The following FZD6 variants were observed in gnomAD, a reference collection of about 807,000 sequenced individuals.
The protein encoded by FZD6 is frizzled-6.
Under a neutral mutation model 61.4 loss-of-function variants are expected in FZD6, and 49 were observed. The observed-to-expected ratio is 0.80, with a 90% CI of 0.63 to 1.01. FZD6 has a LOEUF of 1.01. FZD6 is among the 50% of genes least tolerant of loss of function. The pLI is 0.00. For missense variants in FZD6, 724 were observed against 848.2 expected, an observed-to-expected ratio of 0.85 and a Z score of 1.82; for synonymous variants, 265 against 292.2, an observed-to-expected ratio of 0.91 and a Z score of 0.95.
At chr8:103,324,427 A>G in intron 3 of FZD6, 54 bp from the exon 4 acceptor site, 2 of 965,336 alleles carry the variant, frequency 2.1e-6, no homozygotes, top group East Asian at 2.6e-5. Context: ...TGCTTAATAT[A>G]TTGAATCAAT....
chr8:103,306,610 C>A (rs1431148415), intron 2 of FZD6, among the ~76,000 whole-genome samples: 3 of 144,740 alleles, frequency 2.1e-5, no homozygotes, highest in Non-Finnish European at 4.5e-5. Context: ...TCACGCCATT[C>A]TCCTGCCTCA....
At chr8:103,321,920 A>G (rs903194124) in intron 3 of FZD6, among the ~76,000 whole-genome samples, 24 of 151,928 alleles carry the variant, frequency 1.6e-4, no homozygotes, top group African/African-American at 5.1e-4. Flanking sequence ...TTTCTGTTAT[A>G]CTTCTTTCCT....
At position 103,320,843 on chromosome 8, in the gene FZD6, G is replaced by A. The variant is rs530275198; in HGVS notation, c.374+2057G>A. Among the ~76,000 whole-genome samples the A allele has an allele frequency of 1.7e-4, 26 of 152,254 alleles. No individual in the cohort carries two copies. The East Asian group carries it at 3.9e-3, about 23-fold the overall frequency. The stretch of plus-strand genomic sequence containing the variant: ...TATTCTTGGTCAAGTCACCAAGGAT[G>A]ATGACAGCAAAAGGAAAGGAGACAA... On this transcript the variant is annotated intron_variant, in intron 3 of 6. Transcript: ENST00000358755.
intron 6 of FZD6, among the ~76,000 whole-genome samples, 154 bp downstream of exon 6, chr8:103,330,219 T>TTAG: frequency 6.6e-6 from 1 of 152,358 alleles, no homozygotes; most frequent in Non-Finnish European, 1.5e-5. Context: ...AATATGCTAT[T>TTAG]TAGTAGTTTA....
chr8:103,328,377 C>G lies in FZD6; in HGVS notation c.1502C>G (p.Thr501Arg). ...TGGGTTGGAAGCAAAAAGACATGCA[C>G]AGAATGGGCTGGGTTTTTTAAACGA... Reference protein sequence around the residue: ...VFWVGSKKTCTEWAGFFKRNR... With the variant: ...VFWVGSKKTCREWAGFFKRNR... The change falls in exon 5 of 7, where the codon ACA becomes AGA. Residue 501 changes from threonine to arginine, a missense_variant. Thr to Arg is a moderately conservative substitution (Grantham distance 71). Coordinates refer to ENST00000358755, the MANE Select transcript of FZD6 (RefSeq NM_003506.4). 1 of 1,612,586 alleles carries G rather than the reference C, an allele frequency of 6.2e-7. No individual in the cohort carries two copies.
At chr8:103,312,017 TGAA>T (rs1814509487) in intron 2 of FZD6, among the ~76,000 whole-genome samples, 1 of 152,306 alleles carries the variant, frequency 6.6e-6, no homozygotes, top group East Asian at 1.9e-4. Flanking sequence ...TTATTTCCAG[TGAA>T]GGATTATAGA....
Position 103,331,420 on chromosome 8 carries a change from A to G in FZD6, c.2032A>G (p.Ser678Gly). The G allele has an allele frequency of 6.2e-7, 1 of 1,610,646 alleles. No homozygotes were observed. The highest frequency in any genetic ancestry group is 2.2e-5 in the East Asian group (1 of 44,862). ...GCAGGTCCCCAGTTCTTCAGAACCA[A>G]GCAGCCTCAAAGGTTCCACATCTCT... The part of the protein sequence containing the change: ...NLQVPSSSEP[S>G]SLKGSTSLLV... Residue 678 changes from serine to glycine, a missense_variant, in exon 7 of 7, where the codon AGC becomes GGC. Coordinates refer to ENST00000358755, the MANE Select transcript of FZD6 (RefSeq NM_003506.4).
At chr8:103,301,149 T>C (rs1056197158) in intron 2 of FZD6, among the ~76,000 whole-genome samples, 3 of 152,190 alleles carry the variant, frequency 2.0e-5, no homozygotes, top group Non-Finnish European at 2.9e-5. Context: ...TTAAAATTGA[T>C]TAGATTTGAT....
At position 103,310,215 on chromosome 8, in the gene FZD6, A is replaced by G. The variant is rs185833751; in HGVS notation, c.178-8375A>G. On this transcript the variant is annotated intron_variant, in intron 2 of 6. Coordinates refer to ENST00000358755, the MANE Select transcript of FZD6 (RefSeq NM_003506.4). Reference sequence around the variant, plus strand: ...TATAATTTAGCCACCTGCAGATCAAACTGTGCTTGGTTTTCAACTCCTTGA... The same window carrying G: ...TATAATTTAGCCACCTGCAGATCAAGCTGTGCTTGGTTTTCAACTCCTTGA... 3.3e-5 allele frequency among the ~76,000 whole-genome samples: 5 copies of G among 152,252 alleles called. No homozygotes were observed. In the East Asian group the frequency reaches 9.7e-4, roughly 29 times the overall value.
At chr8:103,331,307 A>ATG (rs779475614) in intron 6 of FZD6, 34 bp from the exon 7 acceptor site, 2 of 1,467,092 alleles carry the variant, frequency 1.4e-6, no homozygotes, top group African/African-American at 1.4e-5. Context: ...GTGTTTGTGG[A>ATG]TGTGTGTGTG....
At chr8:103,329,013 T>TTTTTTATATATATATATATATATA (rs143400765) in intron 5 of FZD6, among the ~76,000 whole-genome samples, 17 of 115,178 alleles carry the variant, frequency 1.5e-4, no homozygotes, top group Admixed American at 1.0e-3. Context: ...CATTTTAGTT[T>TTTTTTATATATATATATATATATA]TATATATATA....
At chr8:103,330,926 C>T (rs576922417) in intron 6 of FZD6, among the ~76,000 whole-genome samples, 2 of 152,190 alleles carry the variant, frequency 1.3e-5, no homozygotes, top group African/African-American at 4.8e-5. Flanking sequence ...GCCTGTAATC[C>T]CAGCACTTTG....
intron 1 of FZD6, among the ~76,000 whole-genome samples, chr8:103,299,443 T>G (rs1457249335): frequency 4.6e-5 from 7 of 152,208 alleles, no homozygotes; most frequent in African/African-American, 1.4e-4. Context: ...GCTCCTCCAC[T>G]GGAGGAATCC....
intron 2 of FZD6, among the ~76,000 whole-genome samples, chr8:103,312,038 C>CT (rs1233187141): frequency 6.6e-6 from 1 of 152,120 alleles, no homozygotes; most frequent in Admixed American, 6.5e-5. Flanking sequence ...AGAAAATACT[C>CT]TATGTATTTT....
In FZD6 at chr8:103,329,770, G is replaced by A; in HGVS notation, c.1657G>A (p.Val553Ile). Residue 553 changes from valine to isoleucine, a missense_variant, in exon 6 of 7, where the codon GTC becomes ATC. Physicochemically the swap from Val to Ile is conservative, Grantham distance 29. Coordinates refer to ENST00000358755, the MANE Select transcript of FZD6 (RefSeq NM_003506.4). ...TAAACCAAGTTCACACAAGCTGAAG[G>A]TCATTTCCAAATCCATGGGAACCAG... ...HYKPSSHKLK[V>I]ISKSMGTSTG... The A allele has an allele frequency of 6.2e-7, 1 of 1,614,048 alleles. No individual in the cohort carries two copies. The highest frequency in any genetic ancestry group is 8.5e-7 in the Non-Finnish European group (1 of 1,179,926).
chr8:103,325,334 C>CT lies in FZD6; in HGVS notation c.1229dup (p.Lys412GlufsTer27). The CT allele has an allele frequency of 6.2e-7, 1 of 1,614,082 alleles. No individual in the cohort carries two copies. Among genetic ancestry groups the CT allele is most frequent in the Non-Finnish European group, 8.5e-7 (1 of 1,179,986 alleles). The stretch of plus-strand genomic sequence containing the variant: ...ACATGATGGCCGGAACCAAGAAAAA[C>CT]TAAAGAAATTTATGATTCGAATTGG... On this transcript the variant is annotated frameshift_variant, in exon 4 of 7. Coordinates refer to ENST00000358755, the MANE Select transcript of FZD6 (RefSeq NM_003506.4). LOFTEE classifies it high-confidence loss of function.
At chr8:103,331,032 C>T (rs2130349523) in intron 6 of FZD6, among the ~76,000 whole-genome samples, 1 of 152,180 alleles carries the variant, frequency 6.6e-6, no homozygotes, top group South Asian at 2.1e-4. Context: ...AAAAAATTAG[C>T]CGGGTGTGGT....
chr8:103,320,695 G>A (rs1051412353), intron 3 of FZD6, among the ~76,000 whole-genome samples: 4 of 152,092 alleles, frequency 2.6e-5, no homozygotes. Context: ...TGGAGATAGT[G>A]TGTACTTGCA....
intron 2 of FZD6, among the ~76,000 whole-genome samples, chr8:103,315,201 T>C (rs532300758): frequency 1.3e-5 from 2 of 152,234 alleles, no homozygotes; most frequent in African/African-American, 2.4e-5. Flanking sequence ...TCTCTCACTC[T>C]ACTTATTCTC....
Sources: gnomAD v4.1 joint callset for allele counts (sites outside exome capture counted in the v4.1 genomes callset) on GRCh38, gnomAD v4.1.1 for gene constraint, MANE v1.5 for transcripts, NCBI Gene and HGNC (gene_info 2026-07-23, HGNC 2026-07-21) for gene names.